CCSER1: variants seen among roughly 807,000 people sequenced by gnomAD.
The protein encoded by CCSER1 is coiled-coil serine rich protein 1.
In CCSER1, 41 loss-of-function variants were observed where a neutral mutation model predicts 82.0. The observed-to-expected ratio is 0.50, with a 90% CI of 0.39 to 0.65. The LOEUF (loss-of-function observed/expected upper bound fraction) is 0.65, where lower values mean the gene tolerates loss of function less well. Ranked by LOEUF, CCSER1 falls within the 30% of genes least tolerant of loss-of-function variation. CCSER1 has a pLI of 0.00. For synonymous variants in CCSER1, 414 were observed against 383.9 expected, an observed-to-expected ratio of 1.08 and a Z score of -0.92; for missense variants, 1,119 against 1,064.2, an observed-to-expected ratio of 1.05 and a Z score of -0.72.
At chr4:91,041,237 T>A (rs1741930974) in intron 9 of CCSER1, among the ~76,000 whole-genome samples, 1 of 152,294 alleles carries the variant, frequency 6.6e-6, no homozygotes, top group African/African-American at 2.4e-5. Context: ...CATCCCTGAC[T>A]TAGAAGGTTT....
intron 1 of CCSER1, among the ~76,000 whole-genome samples, chr4:90,288,180 GA>G (rs141195015): frequency 0.055 from 8,423 of 151,974 alleles, 647 homozygotes; most frequent in African/African-American, 0.17. Flanking sequence ...CCTGTACAAA[GA>G]GGCTATCTCT....
At chr4:91,147,761 G>C (rs1033064628) in intron 10 of CCSER1, among the ~76,000 whole-genome samples, 7 of 152,176 alleles carry the variant, frequency 4.6e-5, no homozygotes, top group African/African-American at 1.4e-4. Context: ...ATTAGGTAAT[G>C]TACCATGAAA....
intron 9 of CCSER1, among the ~76,000 whole-genome samples, chr4:90,959,143 A>C (rs963752549): frequency 1.3e-5 from 2 of 152,156 alleles, no homozygotes; most frequent in Non-Finnish European, 2.9e-5. Context: ...CTCTGCTGTA[A>C]ATTTTCTATA....
At chr4:91,228,718 G>A (rs1738397112) in intron 10 of CCSER1, among the ~76,000 whole-genome samples, 1 of 151,974 alleles carries the variant, frequency 6.6e-6, no homozygotes, top group African/African-American at 2.4e-5. Flanking sequence ...AATGGAATCT[G>A]CCACCTTCAC....
At chr4:91,305,788 G>A (rs1043421272) in intron 10 of CCSER1, among the ~76,000 whole-genome samples, 1 of 151,942 alleles carries the variant, frequency 6.6e-6, no homozygotes, top group Admixed American at 6.6e-5. Flanking sequence ...GACTGGGGAG[G>A]CCTCACAATC....
chr4:90,984,714 G>A (rs2150431328), intron 9 of CCSER1, among the ~76,000 whole-genome samples: 1 of 151,696 alleles, frequency 6.6e-6, no homozygotes, highest in South Asian at 2.1e-4. Flanking sequence ...TAAAGAGTGT[G>A]GAAATGTGCA....
intron 10 of CCSER1, among the ~76,000 whole-genome samples, chr4:91,505,432 T>G (rs911121497): frequency 1.3e-5 from 2 of 152,228 alleles, no homozygotes; most frequent in African/African-American, 4.8e-5. Context: ...TATAATAGAA[T>G]GAATTATATT....
chr4:91,098,361 A>G (rs1724714719), intron 10 of CCSER1, among the ~76,000 whole-genome samples: 1 of 152,240 alleles, frequency 6.6e-6, no homozygotes, highest in Admixed American at 6.5e-5. Context: ...TTTCAAAGTA[A>G]CTTGCCAACC....
intron 10 of CCSER1, among the ~76,000 whole-genome samples, chr4:91,411,502 A>ATATATATATATG (rs1257272668): frequency 1.6e-5 from 1 of 63,002 alleles, no homozygotes; most frequent in Non-Finnish European, 3.6e-5. Flanking sequence ...ATATATATAT[A>ATATATATATATG]TATATATATA....
intron 7 of CCSER1, among the ~76,000 whole-genome samples, chr4:90,753,192 A>G (rs931819252): frequency 6.6e-6 from 1 of 152,126 alleles, no homozygotes; most frequent in African/African-American, 2.4e-5. Context: ...TTTTAGTTTT[A>G]GGAGAAAACT....
chr4:90,903,326 T>A (rs1724948211), intron 8 of CCSER1, among the ~76,000 whole-genome samples: 1 of 151,984 alleles, frequency 6.6e-6, no homozygotes, highest in African/African-American at 2.4e-5. Context: ...GGCTTCCACT[T>A]TTGCATCTTC....
At chr4:90,879,358 C>CT (rs1446470405) in intron 8 of CCSER1, among the ~76,000 whole-genome samples, 2 of 152,056 alleles carry the variant, frequency 1.3e-5, no homozygotes, top group African/African-American at 4.8e-5. Context: ...TTTTGCCTTC[C>CT]TGTTGAAACT....
rs902923325 is a variant in CCSER1 at position 90,795,516 on chromosome 4, G to A, written c.2011-20246G>A. Among the ~76,000 whole-genome samples the A allele has an allele frequency of 2.0e-5, 3 of 152,118 alleles. No individual in the cohort carries two copies. The South Asian group carries it at 6.2e-4, about 31-fold the overall frequency. ...TCTCTTGCCTGATTATCCTGGCCAG[G>A]ACTTTCAATACTATGTTGAATAGGA... On this transcript the variant is annotated intron_variant, in intron 7 of 10. Coordinates refer to ENST00000509176, the MANE Select transcript of CCSER1 (RefSeq NM_001145065.2).
chr4:91,209,206 C>A (rs2074651382), intron 10 of CCSER1, among the ~76,000 whole-genome samples: 1 of 151,876 alleles, frequency 6.6e-6, no homozygotes, highest in Admixed American at 6.6e-5. Flanking sequence ...CCTTTTATTT[C>A]TTTCATTTGC....
chr4:90,577,988 G>A (rs780161780), intron 5 of CCSER1, among the ~76,000 whole-genome samples: 13 of 152,056 alleles, frequency 8.5e-5, no homozygotes, highest in Admixed American at 2.0e-4. Context: ...AATCCGATTG[G>A]GAAGTACTGT....
At chr4:90,391,909 T>C (rs1751232921) in intron 3 of CCSER1, among the ~76,000 whole-genome samples, 1 of 152,050 alleles carries the variant, frequency 6.6e-6, no homozygotes, top group African/African-American at 2.4e-5. Flanking sequence ...AACTACAGTA[T>C]AATTGAGGTA....
rs193200452 is a variant in CCSER1 at position 90,375,861 on chromosome 4, C to T, written c.1510-24175C>T. Among the ~76,000 whole-genome samples the T allele has an allele frequency of 4.2e-4, 64 of 152,248 alleles. No homozygotes were observed. In the East Asian group the frequency reaches 0.012, roughly 28 times the overall value. On this transcript the variant is annotated intron_variant, in intron 3 of 10. Transcript: ENST00000509176. ...ACTGATTAACCTGAGGCAGTCCCTC[C>T]AAAAACTAGGACTAGATTCAAGTAT...
intron 6 of CCSER1, among the ~76,000 whole-genome samples, chr4:90,698,589 G>A (rs7697006): frequency 0.23 from 34,429 of 152,002 alleles, 4,916 homozygotes; most frequent in African/African-American, 0.4. Flanking sequence ...CAATTTCTAT[G>A]ATATAAATGA....
At chr4:90,845,938 G>C (rs553320568) in intron 8 of CCSER1, among the ~76,000 whole-genome samples, 19 of 151,760 alleles carry the variant, frequency 1.3e-4, no homozygotes, top group Non-Finnish European at 2.2e-4. Context: ...TGAGTCATTA[G>C]TGTCATAGTG....
Sources: allele counts gnomAD v4.1 joint callset (sites outside exome capture counted in the v4.1 genomes callset), GRCh38; gene constraint gnomAD v4.1.1; transcripts MANE v1.5; gene names NCBI Gene and HGNC (gene_info 2026-07-23, HGNC 2026-07-21).